RAB8A: variants seen among roughly 807,000 people sequenced by gnomAD.
The protein encoded by RAB8A is ras-related protein Rab-8A.
In RAB8A, 5 loss-of-function variants were observed where a neutral mutation model predicts 29.2. The observed-to-expected ratio is 0.17, with a 90% CI of 0.09 to 0.36. RAB8A has a LOEUF of 0.36. Ranked by LOEUF, RAB8A falls within the 10% of genes least tolerant of loss-of-function variation. The pLI is 1.00. For synonymous variants in RAB8A, 108 were observed against 99.9 expected, an observed-to-expected ratio of 1.08 and a Z score of -0.49; for missense variants, 171 against 272.2, an observed-to-expected ratio of 0.63 and a Z score of 2.62.
At chr19:16,119,319 C>G (rs2090862270) in intron 2 of RAB8A, among the ~76,000 whole-genome samples, 2 of 152,156 alleles carry the variant, frequency 1.3e-5, no homozygotes, top group Admixed American at 1.3e-4. Context: ...GATTCTCCTG[C>G]CTCAGCCTCC....
At chr19:16,130,240 G>A (rs980825777) in intron 7 of RAB8A, among the ~76,000 whole-genome samples, 8 of 151,872 alleles carry the variant, frequency 5.3e-5, no homozygotes, top group African/African-American at 9.7e-5. Flanking sequence ...ACACTTCCCT[G>A]TACTTTGGGG....
At position 16,127,157 on chromosome 19, in the gene RAB8A, G is replaced by A. The variant is rs1599398682; in HGVS notation, c.325-280G>A. On this transcript the variant is annotated intron_variant, in intron 4 of 7. Coordinates refer to ENST00000300935, the MANE Select transcript of RAB8A (RefSeq NM_005370.5). The surrounding 1 kb of genome is among the most constrained non-coding windows in gnomAD (Gnocchi z 4.8). The stretch of plus-strand genomic sequence containing the variant: ...GACCCGCCCAGCATCCCAGGTGCGG[G>A]GGCTTGATTGATACAGCCATAGAAG... Among the ~76,000 whole-genome samples, 1 of 152,198 alleles carries A rather than the reference G, an allele frequency of 6.6e-6. No homozygotes were observed. The highest frequency in any genetic ancestry group is 1.9e-4 in the East Asian group (1 of 5,194).
intron 1 of RAB8A, chr19:16,112,263 C>T (rs1376739102): frequency 3.7e-6 from 2 of 536,660 alleles, no homozygotes; most frequent in Non-Finnish European, 6.7e-6. Flanking sequence ...CCTCAGCCCG[C>T]TCGTTAGGGC....
At chr19:16,116,042 C>T (rs2090844492) in intron 1 of RAB8A, among the ~76,000 whole-genome samples, 2 of 152,108 alleles carry the variant, frequency 1.3e-5, no homozygotes, top group Non-Finnish European at 2.9e-5. Context: ...CAGATACATA[C>T]ATGTATGTCA....
intron 3 of RAB8A, chr19:16,123,727 G>A (rs3826721): frequency 0.3 from 46,003 of 152,040 alleles, 7,108 homozygotes; most frequent in Middle Eastern, 0.34. Flanking sequence ...ATATGGGACA[G>A]CACCACCATT....
chr19:16,118,299 G>A lies in RAB8A; in HGVS notation c.185+13G>A. 1 of 1,607,354 alleles carries A rather than the reference G, an allele frequency of 6.2e-7. No homozygotes were observed. Among genetic ancestry groups the A allele is most frequent in the Non-Finnish European group, 8.5e-7 (1 of 1,175,568 alleles). On this transcript the variant is annotated intron_variant, in intron 2 of 7. Coordinates refer to ENST00000300935, the MANE Select transcript of RAB8A (RefSeq NM_005370.5). ...AACTGCAGATATGGTAAGAGTCATT[G>A]TTCTCTGTCATTCTCTCCACCTGGC...
In RAB8A at chr19:16,127,931, T is replaced by G. The variant is rs2144995187; in HGVS notation, c.415-95T>G. 7.6e-7 allele frequency: 1 copy of G among 1,322,600 alleles called. No individual in the cohort carries two copies. Among genetic ancestry groups the G allele is most frequent in the East Asian group, 2.3e-5 (1 of 42,940 alleles). The allele number at this position is 1,322,600 out of a possible 1,614,324, so 81.9% of individuals were successfully genotyped here. A position where few individuals can be genotyped will look rare whatever the true frequency, so the allele number is the denominator to read the frequency against. On this transcript the variant is annotated intron_variant, in intron 5 of 7. Coordinates refer to ENST00000300935, the MANE Select transcript of RAB8A (RefSeq NM_005370.5). This position sits in a 1 kb window ranked among gnomAD's most constrained non-coding sequence, Gnocchi z 4.8. ...CAGCCCCAGCCCTGTTGCTGCTCCC[T>G]CTTGGCGCCGGCCCTGCCTTCAGCT...
chr19:16,128,239 C>T, intron 6 of RAB8A, 148 bp downstream of exon 6: 1 of 835,862 alleles, frequency 1.2e-6, no homozygotes, highest in Non-Finnish European at 1.9e-6. Context: ...GGGACATTTC[C>T]TGGGCAGTGC....
rs1463829573 is a variant in RAB8A at position 16,132,600 on chromosome 19, C to T, written c.*296C>T. On this transcript the variant is annotated 3_prime_UTR_variant, in exon 8 of 8. Coordinates refer to ENST00000300935, the MANE Select transcript of RAB8A (RefSeq NM_005370.5). The surrounding 1 kb of genome is among the most constrained non-coding windows in gnomAD (Gnocchi z 5.6). ...AGAGAGGGAGTCAAGGTGTGACCGT[C>T]GACCACAGCCAGTGTCAGGCCTCTG... 5.2e-6 allele frequency: 2 copies of T among 384,366 alleles called. No individual in the cohort carries two copies. Among genetic ancestry groups the T allele is most frequent in the South Asian group, 2.5e-5 (1 of 40,002 alleles). The allele number at this position is 384,366 out of a possible 1,614,324, so 23.8% of individuals were successfully genotyped here.
At chr19:16,116,038 C>T (rs2090844464) in intron 1 of RAB8A, among the ~76,000 whole-genome samples, 1 of 152,158 alleles carries the variant, frequency 6.6e-6, no homozygotes, top group Non-Finnish European at 1.5e-5. Context: ...GCAGCAGATA[C>T]ATACATGTAT....
Position 16,121,975 on chromosome 19 carries a change from CCTA to C in RAB8A, c.246+167_246+169del, listed in dbSNP as rs2090877471. 7.9e-6 allele frequency: 5 copies of C among 635,342 alleles called. No individual in the cohort carries two copies. The South Asian group carries it at 9.7e-5, about 12-fold the overall frequency. The allele number at this position is 635,342 out of a possible 1,614,324, so 39.4% of individuals were successfully genotyped here. ...CTTAGGAACAGGCTTTGTGCCCCGG[CCTA>C]CCCCCATGTACATACCTCCCCTTCT... On this transcript the variant is annotated intron_variant, in intron 3 of 7. Coordinates refer to ENST00000300935, the MANE Select transcript of RAB8A (RefSeq NM_005370.5).
At chr19:16,124,285 C>G (rs568666664) in intron 3 of RAB8A, 1 of 152,382 alleles carries the variant, frequency 6.6e-6, no homozygotes, top group South Asian at 2.1e-4. Context: ...GTTGCAGTGA[C>G]TTTCTTGCCC....
intron 1 of RAB8A, among the ~76,000 whole-genome samples, chr19:16,117,828 C>A (rs751866540): frequency 6.6e-6 from 1 of 152,114 alleles, no homozygotes; most frequent in African/African-American, 2.4e-5. Context: ...TGTGCATTGA[C>A]GCATGGTGGG....
rs554297449 is a variant in RAB8A at position 16,115,224 on chromosome 19, G to A, written c.125-3002G>A. ...AATCGCTTGAATCCAGGAGGCAGAG[G>A]TTGCAGTGAGCCAAGATTGTGCCAG... On this transcript the variant is annotated intron_variant, in intron 1 of 7. Coordinates refer to ENST00000300935, the MANE Select transcript of RAB8A (RefSeq NM_005370.5). Among the ~76,000 whole-genome samples, 3 of 152,076 alleles carry A rather than the reference G, an allele frequency of 2.0e-5. No individual in the cohort carries two copies. The East Asian group carries it at 5.8e-4, about 29-fold the overall frequency.
chr19:16,121,311 G>A (rs1229814911), intron 2 of RAB8A, among the ~76,000 whole-genome samples: 2 of 152,138 alleles, frequency 1.3e-5, no homozygotes, highest in Non-Finnish European at 2.9e-5. Flanking sequence ...ATCACCTCCC[G>A]GGCAATAGGC....
At chr19:16,120,459 C>T (rs1432185806) in intron 2 of RAB8A, among the ~76,000 whole-genome samples, 2 of 151,684 alleles carry the variant, frequency 1.3e-5, no homozygotes, top group African/African-American at 4.8e-5. Flanking sequence ...ATTACAGGCA[C>T]CTGCCACCAT....
At position 16,128,153 on chromosome 19, in the gene RAB8A, G is replaced by T. The variant is rs75594350; in HGVS notation, c.480+62G>T. 4.0e-5 allele frequency: 62 copies of T among 1,566,376 alleles called. No homozygotes were observed. The African/African-American group carries it at 7.6e-4, about 19-fold the overall frequency. ...CAGGATCGGCCCCTTCAGGCTAAAG[G>T]GGGAGCTGGCGTCCTCCGAGGAGGT... On this transcript the variant is annotated intron_variant, in intron 6 of 7. Coordinates refer to ENST00000300935, the MANE Select transcript of RAB8A (RefSeq NM_005370.5).
rs149964516 is a variant in RAB8A, at chr19:16,121,671, C to T, written c.186-79C>T. On this transcript the variant is annotated intron_variant, in intron 2 of 7. Coordinates refer to ENST00000300935, the MANE Select transcript of RAB8A (RefSeq NM_005370.5). ...TGAACGGTGAGAAAGCCAGGCATCC[C>T]GGGTAGATGCTCCTTGTCTCCTACT... The T allele has an allele frequency of 6.9e-4, 931 of 1,340,982 alleles. 2 individuals carry two copies. The African/African-American group carries it at 0.012, about 17-fold the overall frequency. 83.1% of individuals were successfully genotyped at this position (1,340,982 alleles called of 1,614,324 possible).
At chr19:16,124,474 A>C (rs1293645705) in intron 3 of RAB8A, 1 of 152,300 alleles carries the variant, frequency 6.6e-6, no homozygotes, top group Non-Finnish European at 1.5e-5. Flanking sequence ...GGTAGCGAGG[A>C]GGAAGGAAGA....
Sources: gnomAD v4.1 joint callset for allele counts (sites outside exome capture counted in the v4.1 genomes callset) on GRCh38, gnomAD v4.1.1 for gene constraint, Gnocchi (gnomAD v3.1) non-coding constraint, MANE v1.5 for transcripts, NCBI Gene and HGNC (gene_info 2026-07-23, HGNC 2026-07-21) for gene names.